Variants in COPG2 observed in about 807,000 individuals in gnomAD.
The protein encoded by COPG2 is coat protein complex I subunit gamma 2, also known as coatomer subunit gamma-2.
A neutral mutation model predicts 46.3 loss-of-function variants in COPG2; 37 were observed. That is an observed-to-expected ratio of 0.80 (90% CI 0.61 to 1.05). COPG2 has a LOEUF of 1.05. COPG2 is among the 50% of genes least tolerant of loss of function. The probability of loss-of-function intolerance (pLI) is 0.00; values close to 1 mark genes in which losing one functional copy is unlikely to be tolerated. For synonymous variants in COPG2, 159 were observed against 129.7 expected (o/e 1.23, Z -1.53); for missense variants, 427 against 387.8 (o/e 1.10, Z -0.85).
chr7:130,513,303 AAAAAAATATATAT>A (rs1300863741), intron 20 of COPG2, among the ~76,000 whole-genome samples: 5 of 46,750 alleles, frequency 1.1e-4, no homozygotes, highest in African/African-American at 4.4e-4. Context: ...AAAAAAAAAA[AAAAAAATATATAT>A]ATATATATAT....
In COPG2 at chr7:130,507,710, G is replaced by A. The variant is rs782084625; in HGVS notation, c.2361C>T (p.Ala787=). ...GDTFEKEETF[A]LSSTKTLEEA... ...CTTCAAGGGTTTTGGTAGAACTGAG[G>A]GCAAAGGTTTCCTCTTTCTCAAAGG... The change falls in exon 22 of 24, where the codon GCC becomes GCT. Residue 787 remains alanine, a synonymous_variant. Coordinates refer to ENST00000425248, the MANE Select transcript of COPG2 (RefSeq NM_012133.6). 2.6e-6 allele frequency: 2 copies of A among 780,322 alleles called. No individual in the cohort carries two copies. Among genetic ancestry groups the A allele is most frequent in the Non-Finnish European group, 4.8e-6 (2 of 417,864 alleles). 48.3% of individuals were successfully genotyped at this position (780,322 alleles called of 1,614,324 possible).
chr7:130,509,799 C>T, intron 20 of COPG2: 1 of 510,962 alleles, frequency 2.0e-6, no homozygotes, highest in Non-Finnish European at 3.9e-6. Context: ...TGCCATAGAT[C>T]CTTTAAGTTT....
chr7:130,553,516 G>A (rs1159652272), intron 14 of COPG2, among the ~76,000 whole-genome samples: 3 of 152,158 alleles, frequency 2.0e-5, no homozygotes, highest in Non-Finnish European at 4.4e-5. Flanking sequence ...ACAGATAGGG[G>A]CTGTAAGGCA....
At chr7:130,551,857 G>C (rs1321768351) in intron 15 of COPG2, among the ~76,000 whole-genome samples, 7 of 152,142 alleles carry the variant, frequency 4.6e-5, no homozygotes, top group African/African-American at 1.7e-4. Flanking sequence ...TCATCAAATA[G>C]AGTCATGAAG....
At chr7:130,604,784 TAAG>T in intron 9 of COPG2, 1 of 503,742 alleles carries the variant, frequency 2.0e-6, no homozygotes, top group Non-Finnish European at 3.9e-6. Flanking sequence ...AGTCCACCAA[TAAG>T]TATAAAGTTT....
intron 20 of COPG2, among the ~76,000 whole-genome samples, chr7:130,545,170 TATTTCATTTC>T (rs1221165104): frequency 0.02 from 2,954 of 149,996 alleles, 79 homozygotes; most frequent in African/African-American, 0.061. Flanking sequence ...ACTTACCTAT[TATTTCATTTC>T]ATTTCATTTC....
In COPG2 at chr7:130,516,745, G is replaced by A. The variant is rs1226705568; in HGVS notation, c.2150-8086C>T. Among the ~76,000 whole-genome samples, 10 of 152,308 alleles carry A rather than the reference G, an allele frequency of 6.6e-5. No homozygotes were observed. The East Asian group carries it at 1.9e-3, about 29-fold the overall frequency. On this transcript the variant is annotated intron_variant, in intron 20 of 23. Coordinates refer to ENST00000425248, the MANE Select transcript of COPG2 (RefSeq NM_012133.6). The stretch of plus-strand genomic sequence containing the variant: ...AACAAGGAGAGAGTAAGGTAAGAAG[G>A]TGGCAAAGTAAGAGCCAGGGCATAA...
chr7:130,544,853 C>T (rs1462514228), intron 20 of COPG2, among the ~76,000 whole-genome samples: 1 of 152,012 alleles, frequency 6.6e-6, no homozygotes, highest in Non-Finnish European at 1.5e-5. Flanking sequence ...CTTAGGATGT[C>T]CATAGTCTTT....
At chr7:130,627,775 G>T (rs1184684781) in intron 5 of COPG2, among the ~76,000 whole-genome samples, 2 of 143,724 alleles carry the variant, frequency 1.4e-5, no homozygotes, top group African/African-American at 2.5e-5. Context: ...TGCGGGGGGT[G>T]GGGGGTGTGG....
intron 5 of COPG2, among the ~76,000 whole-genome samples, chr7:130,646,777 C>T (rs9690798): frequency 1.3e-5 from 2 of 151,706 alleles, no homozygotes. Flanking sequence ...TCACTCTTTT[C>T]TCTCTCTTGC....
intron 20 of COPG2, among the ~76,000 whole-genome samples, chr7:130,523,774 C>G (rs1052620597): frequency 7.2e-5 from 11 of 151,750 alleles, no homozygotes; most frequent in Admixed American, 6.6e-4. Flanking sequence ...TCTGTTGTCA[C>G]GGGGAGGAAA....
rs7779408 is a variant in COPG2, at chr7:130,506,473, G to T, written c.*203C>A. The T allele has an allele frequency of 1.4e-5, 5 of 367,480 alleles. No homozygotes were observed. The highest frequency in any genetic ancestry group is 1.1e-4 in the African/African-American group (5 of 44,350). The allele number at this position is 367,480 out of a possible 1,614,324, so 22.8% of individuals were successfully genotyped here. ...GCACTATCGTCCCAAAGCTGACCAA[G>T]TAGAATAAAAAGAAAAAAAAAAAAA... is the stretch of plus-strand genomic sequence containing the variant. On this transcript the variant is annotated 3_prime_UTR_variant, in exon 24 of 24. Coordinates refer to ENST00000425248, the MANE Select transcript of COPG2 (RefSeq NM_012133.6).
chr7:130,590,408 G>A (rs1186424200), intron 9 of COPG2, among the ~76,000 whole-genome samples: 6 of 152,226 alleles, frequency 3.9e-5, no homozygotes, highest in Non-Finnish European at 5.9e-5. Context: ...GGTGCGCGCC[G>A]CCACGCCTGA....
intron 20 of COPG2, among the ~76,000 whole-genome samples, chr7:130,532,045 G>A (rs1448547961): frequency 2.6e-5 from 4 of 152,220 alleles, no homozygotes; most frequent in Non-Finnish European, 4.4e-5. Context: ...ATCCTCGGGT[G>A]AGAATCACTG....
intron 9 of COPG2, among the ~76,000 whole-genome samples, chr7:130,586,713 C>T (rs1375423353): frequency 4.0e-5 from 6 of 151,898 alleles, no homozygotes; most frequent in Non-Finnish European, 4.4e-5. Flanking sequence ...CTGCCCACCT[C>T]GGCCTCCCAA....
intron 5 of COPG2, among the ~76,000 whole-genome samples, chr7:130,643,268 C>A (rs1795526490): frequency 6.6e-6 from 1 of 151,250 alleles, no homozygotes; most frequent in South Asian, 2.1e-4. Flanking sequence ...GCACTCCAGC[C>A]TGGGCGACAG....
chr7:130,627,802 C>T (rs1161789582), intron 5 of COPG2, among the ~76,000 whole-genome samples: 11 of 147,422 alleles, frequency 7.5e-5, no homozygotes, highest in Non-Finnish European at 1.3e-4. Flanking sequence ...GGGCGGGGTG[C>T]GGTTCAGGGG....
chr7:130,557,839 T>TA lies in COPG2; in HGVS notation c.1129-2708_1129-2707insT, dbSNP rs1471202743. Among the ~76,000 whole-genome samples the TA allele has an allele frequency of 3.2e-5, 3 of 94,064 alleles. 1 individual carries two copies. The highest frequency in any genetic ancestry group is 5.9e-5 in the Non-Finnish European group (3 of 50,622). 61.7% of individuals were successfully genotyped at this position (94,064 alleles called of 152,430 possible). A position where few individuals can be genotyped will look rare whatever the true frequency, so the allele number is the denominator to read the frequency against. On this transcript the variant is annotated intron_variant, in intron 12 of 23. Transcript: ENST00000425248. Reference sequence around the variant, plus strand: ...TCTCAAAAAAAAAAAAAAAAAAAAATCATGCAAGAATAGCCAGGAAAACAA... The same window carrying TA: ...TCTCAAAAAAAAAAAAAAAAAAAAATACATGCAAGAATAGCCAGGAAAACAA...
intron 1 of COPG2, among the ~76,000 whole-genome samples, chr7:130,667,900 A>T (rs1554461718): frequency 6.6e-6 from 1 of 152,168 alleles, no homozygotes; most frequent in Admixed American, 6.5e-5. Flanking sequence ...CTAACACTTA[A>T]GGAGAGGCAG....
Sources: gnomAD v4.1 joint callset for allele counts (sites outside exome capture counted in the v4.1 genomes callset) on GRCh38, gnomAD v4.1.1 for gene constraint, MANE v1.5 for transcripts, NCBI Gene and HGNC (gene_info 2026-07-23, HGNC 2026-07-21) for gene names.